Variants in NELL1 observed in about 807,000 individuals in gnomAD.
The protein encoded by NELL1 is protein kinase C-binding protein NELL1.
A neutral mutation model predicts 107.4 loss-of-function variants in NELL1; 76 were observed. The ratio of observed to expected loss-of-function variants is 0.71; its 90% confidence interval spans 0.59 to 0.86. NELL1 has a LOEUF of 0.86. Ranked by LOEUF, NELL1 falls within the 40% of genes least tolerant of loss-of-function variation. The pLI is 0.00. For synonymous variants in NELL1, 353 were observed against 341.2 expected (o/e 1.03, Z -0.38); for missense variants, 1,024 against 1,005.5 (o/e 1.02, Z -0.25).
chr11:21,551,801 G>A (rs1176063195), intron 16 of NELL1, among the ~76,000 whole-genome samples: 5 of 151,566 alleles, frequency 3.3e-5, no homozygotes, highest in South Asian at 2.1e-4. Context: ...ATACCCAAAG[G>A]ACCATAAATC....
rs570304458 is a variant in NELL1 at position 21,066,847 on chromosome 11, G to T, written c.1301-46742G>T. 1.6e-3 allele frequency among the ~76,000 whole-genome samples: 245 copies of T among 152,142 alleles called. 1 individual carries two copies. Among genetic ancestry groups the T allele is most frequent in the African/African-American group, 5.7e-3 (238 of 41,504 alleles). On this transcript the variant is annotated intron_variant, in intron 12 of 19. Transcript: ENST00000357134. Reference sequence around the variant, plus strand: ...TGCACGCTTGTAATCCCAGCTACTTGGGAGGCTGAGGCAGGAGGGTCGCTT... The same window carrying T: ...TGCACGCTTGTAATCCCAGCTACTTTGGAGGCTGAGGCAGGAGGGTCGCTT...
chr11:20,891,715 A>G (rs1849620110), intron 5 of NELL1, among the ~76,000 whole-genome samples: 1 of 152,206 alleles, frequency 6.6e-6, no homozygotes, highest in Non-Finnish European at 1.5e-5. Flanking sequence ...TTGGAATCCT[A>G]GTCTCTGACA....
intron 15 of NELL1, among the ~76,000 whole-genome samples, chr11:21,411,375 C>T (rs1008788993): frequency 6.6e-6 from 1 of 152,020 alleles, no homozygotes; most frequent in East Asian, 1.9e-4. Flanking sequence ...AAACTACAAC[C>T]TGGAGGAGTG....
chr11:20,973,101 CTT>C (rs761894107), intron 12 of NELL1, among the ~76,000 whole-genome samples: 5 of 92,494 alleles, frequency 5.4e-5, no homozygotes, highest in Non-Finnish European at 8.4e-5. Flanking sequence ...ATCTTCATTA[CTT>C]TTTTTTTTTT....
intron 2 of NELL1, among the ~76,000 whole-genome samples, chr11:20,751,567 C>T (rs140881135): frequency 1.2e-3 from 178 of 152,106 alleles, no homozygotes; most frequent in African/African-American, 3.7e-3. Context: ...GCCTTGAACT[C>T]CTGGGCTCAA....
chr11:21,001,392 T>G (rs1448533801), intron 12 of NELL1, among the ~76,000 whole-genome samples: 1 of 147,474 alleles, frequency 6.8e-6, no homozygotes, highest in Non-Finnish European at 1.5e-5. Flanking sequence ...GGAGAAGTTG[T>G]GCATTTCCCA....
intron 13 of NELL1, chr11:21,169,857 AG>A: frequency 7.1e-7 from 1 of 1,415,986 alleles, no homozygotes; most frequent in Non-Finnish European, 9.9e-7. Flanking sequence ...GAGTCCCCCC[AG>A]GAAGAGTTGC....
At chr11:20,807,454 C>T (rs532280100) in intron 3 of NELL1, among the ~76,000 whole-genome samples, 1 of 152,328 alleles carries the variant, frequency 6.6e-6, no homozygotes, top group Admixed American at 6.5e-5. Flanking sequence ...GGAGACACAG[C>T]ACCCTGTGGT....
intron 15 of NELL1, among the ~76,000 whole-genome samples, chr11:21,471,083 C>G (rs1177182579): frequency 6.6e-6 from 1 of 152,198 alleles, no homozygotes; most frequent in Middle Eastern, 3.4e-3. Flanking sequence ...GCTGCAAAAG[C>G]CTTCAAAGGA....
At position 20,975,915 on chromosome 11, in the gene NELL1, A is replaced by AT. The variant is rs1564995605; in HGVS notation, c.1300+15355_1300+15356insT. 1.0e-3 allele frequency among the ~76,000 whole-genome samples: 134 copies of AT among 133,922 alleles called. 7 individuals carry two copies. The highest frequency in any genetic ancestry group is 3.3e-3 in the African/African-American group (124 of 37,506). The allele number at this position is 133,922 out of a possible 152,430, so 87.9% of individuals were successfully genotyped here. A position where few individuals can be genotyped will look rare whatever the true frequency, so the allele number is the denominator to read the frequency against. ...ATATATACATATATGTGTATTATAT[A>AT]AACACACATATATGTACATATATGT... On this transcript the variant is annotated intron_variant, in intron 12 of 19. Transcript: ENST00000357134.
intron 5 of NELL1, among the ~76,000 whole-genome samples, chr11:20,895,890 T>G (rs1419989997): frequency 1.3e-5 from 2 of 152,066 alleles, no homozygotes; most frequent in Non-Finnish European, 2.9e-5. Flanking sequence ...ATGACATGAG[T>G]TCATTTTCTT....
At chr11:21,312,640 A>G (rs1355035520) in intron 14 of NELL1, among the ~76,000 whole-genome samples, 1 of 152,070 alleles carries the variant, frequency 6.6e-6, no homozygotes, top group African/African-American at 2.4e-5. Flanking sequence ...CTGTCCCTTC[A>G]GTGACAAATG....
rs60300243 is a variant in NELL1, at chr11:21,027,282, C to CTAGTTTAGTTTAGTTTAGTT, written c.1300+66762_1300+66781dup. Among the ~76,000 whole-genome samples the CTAGTTTAGTTTAGTTTAGTT allele has an allele frequency of 6.9e-4, 97 of 141,000 alleles. 1 individual carries two copies. Among genetic ancestry groups the CTAGTTTAGTTTAGTTTAGTT allele is most frequent in the Non-Finnish European group, 8.3e-4 (54 of 65,332 alleles). 92.5% of individuals were successfully genotyped at this position (141,000 alleles called of 152,430 possible). On this transcript the variant is annotated intron_variant, in intron 12 of 19. Coordinates refer to ENST00000357134, the MANE Select transcript of NELL1 (RefSeq NM_006157.5). ...TTCCTGTGGTTAATCTGGGAAAAGC[C>CTAGTTTAGTTTAGTTTAGTT]TAGTTTAGTTTAGTTTAGTTTAGTT...
At chr11:21,312,759 G>A (rs1849776773) in intron 14 of NELL1, among the ~76,000 whole-genome samples, 1 of 152,128 alleles carries the variant, frequency 6.6e-6, no homozygotes, top group Non-Finnish European at 1.5e-5. Flanking sequence ...ATGGATAAGT[G>A]AAATAGACAG....
At chr11:21,054,935 C>G (rs1590590832) in intron 12 of NELL1, among the ~76,000 whole-genome samples, 1 of 151,940 alleles carries the variant, frequency 6.6e-6, no homozygotes, top group African/African-American at 2.4e-5. Flanking sequence ...TTGCTTCTTT[C>G]CTTGCTTTTA....
intron 15 of NELL1, among the ~76,000 whole-genome samples, chr11:21,410,233 G>A (rs1431481154): frequency 1.3e-5 from 2 of 151,986 alleles, no homozygotes; most frequent in Non-Finnish European, 2.9e-5. Context: ...AGACCAAGAT[G>A]ATTAATGTCT....
At chr11:20,867,381 C>G (rs1849115122) in intron 4 of NELL1, among the ~76,000 whole-genome samples, 1 of 151,938 alleles carries the variant, frequency 6.6e-6, no homozygotes, top group Non-Finnish European at 1.5e-5. Flanking sequence ...AAGCAGTCAG[C>G]AAATGTTAAT....
chr11:21,373,208 A>C (rs997938585), intron 15 of NELL1, among the ~76,000 whole-genome samples: 1 of 152,126 alleles, frequency 6.6e-6, no homozygotes, highest in Non-Finnish European at 1.5e-5. Context: ...AATAGAGTAC[A>C]TAGTTTTCAG....
chr11:21,229,087 ACC>A (rs1199124231), intron 13 of NELL1, among the ~76,000 whole-genome samples: 2 of 152,184 alleles, frequency 1.3e-5, no homozygotes, highest in African/African-American at 4.8e-5. Flanking sequence ...TGCAGCACTT[ACC>A]AATTGTGTGA....
Sources: allele counts gnomAD v4.1 joint callset (sites outside exome capture counted in the v4.1 genomes callset), GRCh38; gene constraint gnomAD v4.1.1; transcripts MANE v1.5; gene names NCBI Gene and HGNC (gene_info 2026-07-23, HGNC 2026-07-21).